The following PLXNB2 variants were observed in gnomAD, a reference collection of about 807,000 sequenced individuals.
PLXNB2 encodes plexin-B2.
Under a neutral mutation model 202.6 loss-of-function variants are expected in PLXNB2, and 85 were observed. The observed-to-expected ratio is 0.42, with a 90% CI of 0.35 to 0.50. The LOEUF (loss-of-function observed/expected upper bound fraction) is 0.50. PLXNB2 is among the 20% of genes least tolerant of loss of function. PLXNB2 has a pLI of 0.02. For synonymous variants in PLXNB2, 1,239 were observed against 1,137.6 expected, an observed-to-expected ratio of 1.09 and a Z score of -1.79; for missense variants, 2,063 against 2,586.2, an observed-to-expected ratio of 0.80 and a Z score of 4.39.
intron 2 of PLXNB2, among the ~76,000 whole-genome samples, chr22:50,293,063 G>A (rs910027121): frequency 5.9e-5 from 9 of 152,218 alleles, no homozygotes; most frequent in Non-Finnish European, 1.2e-4. Flanking sequence ...AGGCTGGGTA[G>A]GGCCATGGGA....
chr22:50,286,063 T>A lies in PLXNB2; in HGVS notation c.1913A>T (p.Gln638Leu). 1.2e-6 allele frequency: 2 copies of A among 1,612,238 alleles called. No homozygotes were observed. The highest frequency in any genetic ancestry group is 2.2e-5 in the South Asian group (2 of 91,086). Reference protein sequence around the residue: ...ISCVSNRWTCQWDLRYHECRE... With the variant: ...ISCVSNRWTCLWDLRYHECRE... The stretch of plus-strand genomic sequence containing the variant: ...GCACTCGTGGTAGCGCAGGTCCCAC[T>A]GGCAGGTCCAGCGGTTGCTCACGCA... The change falls in exon 10 of 37, where the codon CAG (glutamine) becomes CTG (leucine). Residue 638 changes from glutamine (Q) to leucine (L), a missense_variant. Transcript: ENST00000359337.
In PLXNB2 at chr22:50,275,994, A is replaced by G. The variant is rs761824594; in HGVS notation, c.5338-31T>C. On this transcript the variant is annotated intron_variant, in intron 35 of 36. Coordinates refer to ENST00000359337, the MANE Select transcript of PLXNB2 (RefSeq NM_012401.4). The stretch of plus-strand genomic sequence containing the variant: ...GGGTGACGGGACAGTCAGGGTGGAA[A>G]AGGGGCTGTGGGAGCCCCAGGGCTG... The G allele has an allele frequency of 1.9e-6, 3 of 1,604,632 alleles. No individual in the cohort carries two copies. In the African/African-American group the frequency reaches 4.0e-5, roughly 21 times the overall value.
In PLXNB2 at chr22:50,297,773, G is replaced by A. The variant is rs1045121773; in HGVS notation, c.-73-2995C>T. On this transcript the variant is annotated intron_variant, in intron 1 of 36. Coordinates refer to ENST00000359337, the MANE Select transcript of PLXNB2 (RefSeq NM_012401.4). The surrounding 1 kb of genome is among the most constrained non-coding windows in gnomAD (Gnocchi z 5.3). ...ACCCCAGCTCTGTCACGTTCTAGCT[G>A]GCTCATGTGGGCCATTCAGAAAGCT... 2.1e-4 allele frequency among the ~76,000 whole-genome samples: 32 copies of A among 152,184 alleles called. No individual in the cohort carries two copies. Among genetic ancestry groups the A allele is most frequent in the African/African-American group, 7.2e-4 (30 of 41,432 alleles).
chr22:50,280,554 G>T lies in PLXNB2; in HGVS notation c.4110C>A (p.His1370Gln). ...GCTCCAGGAGCTCCAGGAAGAGCGT[G>T]TGCATGATGTCCGTGTAGTACTCCA... ...GKLEYYTDIM[H>Q]TLFLELLEQY... Residue 1370 changes from histidine to glutamine, a missense_variant, in exon 25 of 37, where the codon CAC becomes CAA. By Grantham distance (24) the His-to-Gln change is conservative. Transcript: ENST00000359337. The T allele has an allele frequency of 6.2e-7, 1 of 1,612,084 alleles. No individual in the cohort carries two copies. Among genetic ancestry groups the T allele is most frequent in the Non-Finnish European group, 8.5e-7 (1 of 1,179,800 alleles).
rs1034783189 is a variant in PLXNB2, at chr22:50,290,641, C to G, written c.-13-44G>C. The G allele has an allele frequency of 4.7e-6, 7 of 1,485,958 alleles. No individual in the cohort carries two copies. In the African/African-American group the frequency reaches 9.8e-5, roughly 21 times the overall value. 92.0% of individuals were successfully genotyped at this position (1,485,958 alleles called of 1,614,324 possible). A position where few individuals can be genotyped will look rare whatever the true frequency, so the allele number is the denominator to read the frequency against. On this transcript the variant is annotated intron_variant, in intron 2 of 36. Transcript: ENST00000359337. ...GTCAGGGGAGCCCCGACCCAGAGGA[C>G]CCCCGATCAAATCCCTCTCCAGTCC...
chr22:50,275,670 AC>A lies in PLXNB2; in HGVS notation c.*33del. ...TGAGGGGCTCTCAGGTACCTCAGGTACCTATGTCCCAAGGCAGCACTGGAGA... is the reference window on the plus strand; with the variant it reads ...TGAGGGGCTCTCAGGTACCTCAGGTACTATGTCCCAAGGCAGCACTGGAGA... On this transcript the variant is annotated 3_prime_UTR_variant, in exon 37 of 37. Transcript: ENST00000359337. The A allele has an allele frequency of 7.0e-7, 1 of 1,423,582 alleles. No individual in the cohort carries two copies. Among genetic ancestry groups the A allele is most frequent in the Non-Finnish European group, 9.7e-7 (1 of 1,029,192 alleles). The allele number at this position is 1,423,582 out of a possible 1,614,324, so 88.2% of individuals were successfully genotyped here. A position where few individuals can be genotyped will look rare whatever the true frequency, so the allele number is the denominator to read the frequency against.
intron 6 of PLXNB2, 65 bp downstream of exon 6, chr22:50,287,872 C>A: frequency 6.3e-7 from 1 of 1,590,998 alleles, no homozygotes; most frequent in East Asian, 2.3e-5. Flanking sequence ...TGCCCCCCGA[C>A]CCAGGCCACG....
At chr22:50,279,561 C>T (rs1434376770) in intron 27 of PLXNB2, 69 bp downstream of exon 27, 35 of 1,485,082 alleles carry the variant, frequency 2.4e-5, no homozygotes, top group Non-Finnish European at 3.1e-5. Flanking sequence ...CCATCTGTGG[C>T]CAGGGGATGC....
rs1010009327 is a variant in PLXNB2, at chr22:50,288,348, A to C, written c.1381-311T>G. Reference sequence around the variant, plus strand: ...TGAGGGTCTCTGGCACTAACCCCCCACAAGCTTGGGGCCCAGGCCCATGTT... The same window carrying C: ...TGAGGGTCTCTGGCACTAACCCCCCCCAAGCTTGGGGCCCAGGCCCATGTT... On this transcript the variant is annotated intron_variant, in intron 5 of 36. Coordinates refer to ENST00000359337, the MANE Select transcript of PLXNB2 (RefSeq NM_012401.4). This position sits in a 1 kb window ranked among gnomAD's most constrained non-coding sequence, Gnocchi z 5.0. 2.0e-5 allele frequency among the ~76,000 whole-genome samples: 3 copies of C among 151,834 alleles called. No individual in the cohort carries two copies. Among genetic ancestry groups the C allele is most frequent in the South Asian group, 4.2e-4 (2 of 4,808 alleles).
intron 1 of PLXNB2, among the ~76,000 whole-genome samples, chr22:50,301,738 C>T (rs891828186): frequency 1.6e-4 from 24 of 152,352 alleles, no homozygotes; most frequent in Admixed American, 5.2e-4. Context: ...GGGGGGTGGA[C>T]GGGTGAGGCC....
chr22:50,281,756 A>G lies in PLXNB2; in HGVS notation c.3346-14T>C. The G allele has an allele frequency of 6.4e-7, 1 of 1,558,616 alleles. No homozygotes were observed. On this transcript the variant is annotated splice_polypyrimidine_tract_variant and intron_variant, in intron 20 of 36. Transcript: ENST00000359337. Reference sequence around the variant, plus strand: ...CAGATTGGTGCCCTGGGGAGGCGGCAGTGGTCGGGGTGAGGAGGAGGGAAC... The same window carrying G: ...CAGATTGGTGCCCTGGGGAGGCGGCGGTGGTCGGGGTGAGGAGGAGGGAAC...
rs549418870 is a variant in PLXNB2 at position 50,293,414 on chromosome 22, G to A, written c.-14+1305C>T. ...CCGGGGGCAGGTCCCGCAGGCCCCC[G>A]CCTTCTAAGTGCACCCAGTGGCGCC... On this transcript the variant is annotated intron_variant, in intron 2 of 36. Coordinates refer to ENST00000359337, the MANE Select transcript of PLXNB2 (RefSeq NM_012401.4). Among the ~76,000 whole-genome samples the A allele has an allele frequency of 1.1e-4, 16 of 152,246 alleles. No individual in the cohort carries two copies. In the South Asian group the frequency reaches 3.1e-3, roughly 30 times the overall value.
Position 50,304,570 on chromosome 22 carries a change from G to A in PLXNB2, c.-74+2983C>T, listed in dbSNP as rs527818167. 5.3e-5 allele frequency among the ~76,000 whole-genome samples: 8 copies of A among 152,236 alleles called. No individual in the cohort carries two copies. In the East Asian group the frequency reaches 5.8e-4, roughly 11 times the overall value. On this transcript the variant is annotated intron_variant, in intron 1 of 36. Coordinates refer to ENST00000359337, the MANE Select transcript of PLXNB2 (RefSeq NM_012401.4). The stretch of plus-strand genomic sequence containing the variant: ...CCTGTGTCAAGGGATGTGAAACCAC[G>A]GAAAGGAAGAAGGTGGAGGAACCTC...
chr22:50,288,657 G>A lies in PLXNB2; in HGVS notation c.1380+86C>T. 3.2e-6 allele frequency: 5 copies of A among 1,548,982 alleles called. No individual in the cohort carries two copies. The South Asian group carries it at 6.1e-5, about 19-fold the overall frequency. ...GCTCTGCAGCACCCCATCCTCCTCTGGCCCCCAGGCCTGTCCTAAGGGCCT... is the reference window on the plus strand; with the variant it reads ...GCTCTGCAGCACCCCATCCTCCTCTAGCCCCCAGGCCTGTCCTAAGGGCCT... On this transcript the variant is annotated intron_variant, in intron 5 of 36. Coordinates refer to ENST00000359337, the MANE Select transcript of PLXNB2 (RefSeq NM_012401.4). This position sits in a 1 kb window ranked among gnomAD's most constrained non-coding sequence, Gnocchi z 5.0.
Position 50,282,285 on chromosome 22 carries a change from G to C in PLXNB2, c.3016C>G (p.Gln1006Glu), listed in dbSNP as rs1392481472. The C allele has an allele frequency of 6.2e-7, 1 of 1,611,582 alleles. No individual in the cohort carries two copies. Among genetic ancestry groups the C allele is most frequent in the Non-Finnish European group, 8.5e-7 (1 of 1,179,304 alleles). Residue 1006 changes from glutamine to glutamate, a missense_variant, in exon 19 of 37, where the codon CAG becomes GAG. Physicochemically the swap from Gln to Glu is conservative, Grantham distance 29 (BLOSUM62 2). This residue lies in a region of PLXNB2 where 1,303 missense variants were observed against 1,476.8 expected (regional missense o/e 0.88). Coordinates refer to ENST00000359337, the MANE Select transcript of PLXNB2 (RefSeq NM_012401.4). Reference protein sequence around the residue: ...SGGRSINVTGQGFSLIQRFAM... With the variant: ...SGGRSINVTGEGFSLIQRFAM... ...AACCTCTGGATCAGGCTGAAGCCCTGACCCGTGACGTTGATGCTGCGGCCA... is the reference window on the plus strand; with the variant it reads ...AACCTCTGGATCAGGCTGAAGCCCTCACCCGTGACGTTGATGCTGCGGCCA...
chr22:50,281,361 A>G lies in PLXNB2; in HGVS notation c.3661T>C (p.Trp1221Arg), dbSNP rs2065977604. Residue 1221 changes from tryptophan to arginine, a missense_variant and splice_region_variant, in exon 22 of 37, where the codon TGG becomes CGG. Around this residue, in one of 2 missense-constraint regions of PLXNB2, gnomAD observed 760 missense variants for 1,109.4 expected, o/e 0.69. Coordinates refer to ENST00000359337, the MANE Select transcript of PLXNB2 (RefSeq NM_012401.4). ...VVIAVSVYCY[W>R]RKSQQAEREY... is the part of the protein sequence containing the mutation. ...GGCACAGCCGGGGGGCGGGCTCACC[A>G]GTAGCAGTAGACAGACACCGCGATG... The G allele has an allele frequency of 1.2e-6, 2 of 1,611,914 alleles. No homozygotes were observed. Among genetic ancestry groups the G allele is most frequent in the South Asian group, 1.1e-5 (1 of 90,896 alleles).
rs1270857830 is a variant in PLXNB2 at position 50,275,275 on chromosome 22, T to C, written c.*429A>G. 2 of 403,898 alleles carry C rather than the reference T, an allele frequency of 5.0e-6. No homozygotes were observed. The highest frequency in any genetic ancestry group is 9.9e-6 in the Non-Finnish European group (2 of 201,722). 25.0% of individuals were successfully genotyped at this position (403,898 alleles called of 1,614,324 possible). A position where few individuals can be genotyped will look rare whatever the true frequency, so the allele number is the denominator to read the frequency against. ...TTTTTCTCCTCCTCCCATCTCGTGGTGGACAGACAGACATAGGATCTGGGA... is the reference window on the plus strand; with the variant it reads ...TTTTTCTCCTCCTCCCATCTCGTGGCGGACAGACAGACATAGGATCTGGGA... On this transcript the variant is annotated 3_prime_UTR_variant, in exon 37 of 37. Coordinates refer to ENST00000359337, the MANE Select transcript of PLXNB2 (RefSeq NM_012401.4).
Position 50,278,223 on chromosome 22 carries a change from G to C in PLXNB2, c.4781C>G (p.Pro1594Arg). 1 of 1,609,980 alleles carries C rather than the reference G, an allele frequency of 6.2e-7. No homozygotes were observed. The highest frequency in any genetic ancestry group is 8.5e-7 in the Non-Finnish European group (1 of 1,179,918). Residue 1594 changes from proline to arginine, a missense_variant, in exon 31 of 37, where the codon CCG (proline) becomes CGG (arginine). Pro to Arg is a moderately radical substitution (Grantham distance 103, BLOSUM62 -2). Around this residue, in one of 2 missense-constraint regions of PLXNB2, gnomAD observed 760 missense variants for 1,109.4 expected, o/e 0.69. Coordinates refer to ENST00000359337, the MANE Select transcript of PLXNB2 (RefSeq NM_012401.4). Reference protein sequence around the residue: ...EENRVWHLVRPTDEVDEGKSK... With the variant: ...EENRVWHLVRRTDEVDEGKSK... ...CTTGCCCTCGTCCACCTCGTCGGTC[G>C]GCCGCACCAGGTGCCACACCCGGTT...
chr22:50,281,837 G>C lies in PLXNB2; in HGVS notation c.3345+17C>G. 1 of 1,606,606 alleles carries C rather than the reference G, an allele frequency of 6.2e-7. No homozygotes were observed. Among genetic ancestry groups the C allele is most frequent in the Non-Finnish European group, 8.5e-7 (1 of 1,176,244 alleles). On this transcript the variant is annotated intron_variant, in intron 20 of 36. Coordinates refer to ENST00000359337, the MANE Select transcript of PLXNB2 (RefSeq NM_012401.4). Reference sequence around the variant, plus strand: ...ACCCGAGCAGGACCCAGACACCCGGGGCTGCACCGTCCTCACCCGGGCGTG... The same window carrying C: ...ACCCGAGCAGGACCCAGACACCCGGCGCTGCACCGTCCTCACCCGGGCGTG...
Sources: allele counts gnomAD v4.1 joint callset (sites outside exome capture counted in the v4.1 genomes callset), GRCh38; gene constraint gnomAD v4.1.1; regional missense constraint gnomAD v4.1.1; non-coding constraint Gnocchi (gnomAD v3.1); transcripts MANE v1.5; gene names NCBI Gene and HGNC (gene_info 2026-07-23, HGNC 2026-07-21).